LRP5: variants seen among roughly 807,000 people sequenced by gnomAD.
The protein encoded by LRP5 is LDL receptor related protein 5, also known as low-density lipoprotein receptor-related protein 5.
LRP5 carries 62 observed loss-of-function variants against 154.1 expected under a neutral mutation model. The ratio of observed to expected loss-of-function variants is 0.40; its 90% CI spans 0.33 to 0.50. LRP5 has a LOEUF of 0.50. Among genes scored for constraint, LRP5 ranks in the 20% least tolerant of loss-of-function variants. The probability of loss-of-function intolerance (pLI) is 0.55; values close to 1 mark genes in which losing one functional copy is unlikely to be tolerated. For missense variants in LRP5, 1,915 were observed against 2,336.7 expected (o/e 0.82, Z 3.72); for synonymous variants, 966 against 1,011.5 (o/e 0.96, Z 0.85).
Position 68,425,135 on chromosome 11 carries a change from A to G in LRP5, c.3270A>G (p.Ala1090=). The change falls in exon 15 of 23, where the codon GCA becomes GCG. Residue 1090 remains alanine, a synonymous_variant. Coordinates refer to ENST00000294304, the MANE Select transcript of LRP5 (RefSeq NM_002335.4). ...YLYFTNMQDR[A]AKIERAALDG... is the part of the protein sequence containing the mutation. ...ACTTCACCAACATGCAGGACCGGGC[A>G]GCCAAGATCGAACGCGCAGCCCTGG... is the stretch of plus-strand genomic sequence containing the variant. 6.2e-7 allele frequency: 1 copy of G among 1,613,730 alleles called. No individual in the cohort carries two copies. Among genetic ancestry groups the G allele is most frequent in the East Asian group, 2.2e-5 (1 of 44,858 alleles).
chr11:68,414,180 G>A (rs1307284883), intron 12 of LRP5, among the ~76,000 whole-genome samples, 168 bp downstream of exon 12: 1 of 152,220 alleles, frequency 6.6e-6, no homozygotes, highest in Non-Finnish European at 1.5e-5. Flanking sequence ...TCCAGGTCCA[G>A]GCTGGATGGA....
chr11:68,370,504 G>A (rs988013768), intron 5 of LRP5, among the ~76,000 whole-genome samples: 7 of 152,148 alleles, frequency 4.6e-5, no homozygotes, highest in African/African-American at 7.2e-5. Context: ...GCATGGAGCT[G>A]ACACCACAGA....
At chr11:68,346,539 C>G (rs556052872) in intron 1 of LRP5, among the ~76,000 whole-genome samples, 42 of 152,332 alleles carry the variant, frequency 2.8e-4, no homozygotes, top group African/African-American at 9.9e-4. Flanking sequence ...ACCAACTGAA[C>G]TAACTACAGG....
upstream of LRP5, among the ~76,000 whole-genome samples, chr11:68,311,703 C>T (rs2098587969): frequency 6.6e-6 from 1 of 152,260 alleles, no homozygotes; most frequent in Admixed American, 6.5e-5. Context: ...GTACTGCAAG[C>T]CCTCTCTGAA....
At position 68,418,020 on chromosome 11, in the gene LRP5, A is replaced by T. The variant is rs567032141; in HGVS notation, c.3027+1493A>T. 1.8e-4 allele frequency among the ~76,000 whole-genome samples: 27 copies of T among 152,330 alleles called. No individual in the cohort carries two copies. In the South Asian group the frequency reaches 5.2e-3, roughly 29 times the overall value. On this transcript the variant is annotated intron_variant, in intron 13 of 22. Transcript: ENST00000294304. ...GCTTGTGTGGCCTGTTCCACAAATG[A>T]TGTGCTCACGGCGGCCTCAGGCCCA...
intron 5 of LRP5, among the ~76,000 whole-genome samples, chr11:68,381,793 G>A (rs1441940210): frequency 6.6e-6 from 1 of 152,224 alleles, no homozygotes; most frequent in Non-Finnish European, 1.5e-5. Flanking sequence ...GCCCGGCACA[G>A]TCAGTCCCCT....
chr11:68,423,810 A>G lies in LRP5; in HGVS notation c.3236+113A>G, dbSNP rs908086190. On this transcript the variant is annotated intron_variant, in intron 14 of 22. Transcript: ENST00000294304. This position sits in a 1 kb window ranked among gnomAD's most constrained non-coding sequence, Gnocchi z 4.7. ...GGAGACTTTCCACCCTGGGGATCCA[A>G]TGGGTGGCTTTCCAGGGTCCCAAAA... The G allele has an allele frequency of 9.7e-6, 10 of 1,028,116 alleles. No homozygotes were observed. The highest frequency in any genetic ancestry group is 4.7e-5 in the African/African-American group (3 of 63,168). 63.7% of individuals were successfully genotyped at this position (1,028,116 alleles called of 1,614,324 possible). A position where few individuals can be genotyped will look rare whatever the true frequency, so the allele number is the denominator to read the frequency against.
chr11:68,346,277 G>A (rs1356599678), intron 1 of LRP5, among the ~76,000 whole-genome samples: 1 of 152,238 alleles, frequency 6.6e-6, no homozygotes, highest in East Asian at 1.9e-4. Context: ...GATGATGACA[G>A]CACGGGTGGG....
At chr11:68,347,579 A>AACAG (rs754887088) in intron 1 of LRP5, among the ~76,000 whole-genome samples, 1 of 152,130 alleles carries the variant, frequency 6.6e-6, no homozygotes, top group Non-Finnish European at 1.5e-5. Flanking sequence ...TATCTGGGGG[A>AACAG]ACAGACGTAA....
chr11:68,323,210 G>A (rs1163249469), intron 1 of LRP5, among the ~76,000 whole-genome samples: 4 of 152,168 alleles, frequency 2.6e-5, no homozygotes, highest in Non-Finnish European at 5.9e-5. Context: ...CTGGGTTCAA[G>A]CAGTTCTCCT....
intron 1 of LRP5, among the ~76,000 whole-genome samples, chr11:68,320,445 T>TTTC (rs540942881): frequency 6.6e-6 from 1 of 151,926 alleles, no homozygotes; most frequent in Admixed American, 6.6e-5. Context: ...TCTTTTCTTT[T>TTTC]TTCTTCTTCT....
chr11:68,392,902 C>T (rs1029660105), intron 7 of LRP5, among the ~76,000 whole-genome samples: 15 of 151,944 alleles, frequency 9.9e-5, no homozygotes, highest in Non-Finnish European at 1.5e-4. Flanking sequence ...CAAGGCGGGA[C>T]GATCACTTGA....
At chr11:68,425,660 G>C (rs1220641103) in intron 15 of LRP5, among the ~76,000 whole-genome samples, 1 of 152,244 alleles carries the variant, frequency 6.6e-6, no homozygotes, top group Admixed American at 6.5e-5. Context: ...AGGGGGCGCA[G>C]GTCCCCATGG....
intron 16 of LRP5, among the ~76,000 whole-genome samples, chr11:68,426,934 G>C (rs1282440933): frequency 6.6e-6 from 1 of 152,120 alleles, no homozygotes; most frequent in Non-Finnish European, 1.5e-5. Context: ...GTTATTGGTC[G>C]GGGACCACTC....
intron 1 of LRP5, among the ~76,000 whole-genome samples, chr11:68,319,452 C>A (rs1251543131): frequency 2.0e-5 from 3 of 152,100 alleles, no homozygotes; most frequent in Non-Finnish European, 4.4e-5. Context: ...TGGGATCAAG[C>A]GATCCTCCCA....
intron 1 of LRP5, among the ~76,000 whole-genome samples, chr11:68,346,574 C>T (rs1322821174): frequency 6.6e-6 from 1 of 152,216 alleles, no homozygotes; most frequent in Admixed American, 6.5e-5. Flanking sequence ...TTGTCATTGG[C>T]TGAGTTGAGT....
Position 68,386,436 on chromosome 11 carries a change from A to G in LRP5, c.1136A>G (p.Asp379Gly). 3 of 1,614,072 alleles carry G rather than the reference A, an allele frequency of 1.9e-6. No homozygotes were observed. The highest frequency in any genetic ancestry group is 2.5e-6 in the Non-Finnish European group (3 of 1,180,020). Residue 379 changes from aspartate (D) to glycine (G), a missense_variant, in exon 6 of 23, where the codon GAC becomes GGC. This residue lies in a region of LRP5 where 773 missense variants were observed against 1,100.9 expected (regional missense o/e 0.70). Transcript: ENST00000294304. This position sits in a 1 kb window ranked among gnomAD's most constrained non-coding sequence, Gnocchi z 7.9. ...GACATCCGGCACGCCATTGCCATCG[A>G]CTACGACCCGCTAGAGGGCTATGTC... The part of the protein sequence containing the change: ...VDDIRHAIAI[D>G]YDPLEGYVYW...
chr11:68,419,115 C>G (rs867206626), intron 13 of LRP5, among the ~76,000 whole-genome samples: 1 of 152,170 alleles, frequency 6.6e-6, no homozygotes, highest in African/African-American at 2.4e-5. Flanking sequence ...TCCCCCTGCT[C>G]CCCCAAAAGA....
intron 7 of LRP5, among the ~76,000 whole-genome samples, chr11:68,391,345 T>C (rs557104801): frequency 4.6e-5 from 7 of 152,336 alleles, no homozygotes; most frequent in South Asian, 2.1e-4. Context: ...TCGTCACCCA[T>C]TGAGGTGACA....
Sources: gnomAD v4.1 joint callset for allele counts (sites outside exome capture counted in the v4.1 genomes callset) on GRCh38, gnomAD v4.1.1 for gene constraint, gnomAD v4.1.1 regional missense constraint, Gnocchi (gnomAD v3.1) non-coding constraint, MANE v1.5 for transcripts, NCBI Gene and HGNC (gene_info 2026-07-23, HGNC 2026-07-21) for gene names.